STPG2: variants seen among roughly 807,000 people sequenced by gnomAD.
STPG2 encodes sperm tail PG-rich repeat containing 2, also known as sperm-tail PG-rich repeat-containing protein 2.
In STPG2, 56 loss-of-function variants were observed where a neutral mutation model predicts 54.2. That is an observed-to-expected ratio of 1.03 (90% CI 0.83 to 1.29). The LOEUF (loss-of-function observed/expected upper bound fraction) is 1.29, where lower values mean the gene tolerates loss of function less well. STPG2 is among the 50% of genes most tolerant of loss of function. The probability of loss-of-function intolerance (pLI) is 0.00; values close to 1 mark genes in which losing one functional copy is unlikely to be tolerated. For missense variants in STPG2, 596 were observed against 544.9 expected (o/e 1.09, Z -0.93); for synonymous variants, 200 against 181.8 (o/e 1.10, Z -0.81).
At chr4:97,748,570 C>A (rs1051130683) in intron 9 of STPG2, among the ~76,000 whole-genome samples, 1 of 151,514 alleles carries the variant, frequency 6.6e-6, no homozygotes, top group Non-Finnish European at 1.5e-5. Context: ...CAGGGACCAA[C>A]AAGCTTTTGC....
chr4:97,820,816 A>T (rs1296475575), intron 9 of STPG2, among the ~76,000 whole-genome samples: 1 of 152,036 alleles, frequency 6.6e-6, no homozygotes, highest in Non-Finnish European at 1.5e-5. Context: ...AAAAAACCAG[A>T]TCTCATGAGA....
chr4:97,991,443 G>T (rs187830967), intron 5 of STPG2, among the ~76,000 whole-genome samples: 82 of 142,432 alleles, frequency 5.8e-4, no homozygotes, highest in African/African-American at 2.0e-3. Flanking sequence ...GTGTGTGTGT[G>T]TGTGTGTGTG....
At chr4:97,800,206 T>G (rs973640709) in intron 9 of STPG2, among the ~76,000 whole-genome samples, 5 of 152,248 alleles carry the variant, frequency 3.3e-5, no homozygotes, top group African/African-American at 1.2e-4. Context: ...TCTGTCCAGC[T>G]TCGTTCCATT....
intron 8 of STPG2, among the ~76,000 whole-genome samples, chr4:97,909,236 T>A (rs1397227590): frequency 1.3e-5 from 2 of 151,846 alleles, no homozygotes; most frequent in African/African-American, 4.8e-5. Context: ...TGAACAACTT[T>A]ATGCAAATAC....
At chr4:97,519,610 GA>G (rs1184232332) in intron 4 of STPG2, among the ~76,000 whole-genome samples, 1 of 152,060 alleles carries the variant, frequency 6.6e-6, no homozygotes, top group Non-Finnish European at 1.5e-5. Context: ...TACAGATGCA[GA>G]CACCTCTGCA....
chr4:97,591,559 C>T (rs991768143), intron 10 of STPG2, among the ~76,000 whole-genome samples: 32 of 152,212 alleles, frequency 2.1e-4, no homozygotes, highest in African/African-American at 7.7e-4. Context: ...CCTGATTCTT[C>T]CACAGATCAC....
At chr4:97,490,656 T>C (rs550192732) in intron 4 of STPG2, among the ~76,000 whole-genome samples, 1 of 151,766 alleles carries the variant, frequency 6.6e-6, no homozygotes, top group African/African-American at 2.4e-5. Context: ...GTTAAAGTAC[T>C]GTCTGCATGT....
chr4:97,945,274 T>A (rs1299498466), intron 7 of STPG2, among the ~76,000 whole-genome samples: 1 of 151,962 alleles, frequency 6.6e-6, no homozygotes, highest in African/African-American at 2.4e-5. Flanking sequence ...TGCGTACCCA[T>A]GGCTTAGCTC....
chr4:97,814,245 T>C (rs1010800042), intron 9 of STPG2, among the ~76,000 whole-genome samples: 6 of 152,224 alleles, frequency 3.9e-5, no homozygotes, highest in Admixed American at 3.9e-4. Flanking sequence ...CTTCCTTAAA[T>C]GTCAAAATGT....
chr4:97,619,441 AT>A (rs964374462), intron 10 of STPG2, among the ~76,000 whole-genome samples: 1 of 152,014 alleles, frequency 6.6e-6, no homozygotes, highest in Non-Finnish European at 1.5e-5. Context: ...TGGGTTTTAA[AT>A]TTTTGAAACA....
At chr4:97,768,922 G>A (rs961992830) in intron 9 of STPG2, among the ~76,000 whole-genome samples, 5 of 152,060 alleles carry the variant, frequency 3.3e-5, no homozygotes, top group African/African-American at 7.2e-5. Flanking sequence ...GGCTGGTCTC[G>A]ATGGTGGTCT....
At chr4:97,883,233 T>C (rs999461347) in intron 8 of STPG2, among the ~76,000 whole-genome samples, 1 of 151,620 alleles carries the variant, frequency 6.6e-6, no homozygotes, top group African/African-American at 2.4e-5. Context: ...GTATATATTT[T>C]TTTAATTAAC....
chr4:98,036,137 GA>G (rs1262468827), intron 5 of STPG2, among the ~76,000 whole-genome samples: 3 of 151,472 alleles, frequency 2.0e-5, no homozygotes, highest in Admixed American at 1.3e-4. Flanking sequence ...CAAAAAAAGA[GA>G]AAAAAAGTCA....
At chr4:97,802,612 T>G (rs1326371524) in intron 9 of STPG2, among the ~76,000 whole-genome samples, 1 of 152,006 alleles carries the variant, frequency 6.6e-6, no homozygotes, top group Non-Finnish European at 1.5e-5. Flanking sequence ...CAGGGATTAC[T>G]GGCACCCACC....
chr4:98,020,067 G>A (rs2149290146), intron 5 of STPG2, among the ~76,000 whole-genome samples: 1 of 121,822 alleles, frequency 8.2e-6, no homozygotes, highest in African/African-American at 3.3e-5. Flanking sequence ...GAATAGGAGT[G>A]GTGAGAGAGG....
chr4:97,540,407 C>T (rs1731665644), intron 4 of STPG2, among the ~76,000 whole-genome samples: 1 of 152,108 alleles, frequency 6.6e-6, no homozygotes, highest in Admixed American at 6.6e-5. Context: ...CACATACACC[C>T]TCCCAAGACT....
chr4:97,934,864 G>A (rs1323902354), intron 8 of STPG2, among the ~76,000 whole-genome samples: 1 of 152,128 alleles, frequency 6.6e-6, no homozygotes, highest in African/African-American at 2.4e-5. Flanking sequence ...GATGATGCTG[G>A]CCTCATAAAA....
chr4:97,442,312 C>A (rs950928144), intron 4 of STPG2, among the ~76,000 whole-genome samples: 17 of 151,864 alleles, frequency 1.1e-4, no homozygotes, highest in African/African-American at 3.9e-4. Context: ...TTTCTTCATG[C>A]AAACATAATT....
At chr4:97,695,346 A>C (rs1362510129) in intron 10 of STPG2, among the ~76,000 whole-genome samples, 1 of 152,236 alleles carries the variant, frequency 6.6e-6, no homozygotes, top group Non-Finnish European at 1.5e-5. Flanking sequence ...ACATACCTTA[A>C]GGTAATAAAA....
Sources: allele counts gnomAD v4.1 joint callset (sites outside exome capture counted in the v4.1 genomes callset), GRCh38; gene constraint gnomAD v4.1.1; transcripts MANE v1.5; gene names NCBI Gene and HGNC (gene_info 2026-07-23, HGNC 2026-07-21).